FMN2: variants seen among roughly 807,000 people sequenced by gnomAD.
FMN2 encodes formin 2.
Under a neutral mutation model 142.3 loss-of-function variants are expected in FMN2, and 51 were observed. The ratio of observed to expected loss-of-function variants is 0.36; its 90% CI spans 0.29 to 0.45. The LOEUF is 0.45. Among genes scored for constraint, FMN2 ranks in the 20% least tolerant of loss-of-function variants. The pLI is 1.00. For synonymous variants in FMN2, 882 were observed against 869.8 expected, an observed-to-expected ratio of 1.01 and a Z score of -0.25; for missense variants, 1,936 against 2,122.8, an observed-to-expected ratio of 0.91 and a Z score of 1.73.
chr1:240,425,505 A>G (rs1674911081), intron 15 of FMN2, among the ~76,000 whole-genome samples: 1 of 152,094 alleles, frequency 6.6e-6, no homozygotes, highest in Non-Finnish European at 1.5e-5. Flanking sequence ...TTCTATACTC[A>G]GAATCATTTC....
At chr1:240,400,008 C>A (rs1159177453) in intron 15 of FMN2, among the ~76,000 whole-genome samples, 1 of 152,124 alleles carries the variant, frequency 6.6e-6, no homozygotes, top group African/African-American at 2.4e-5. Flanking sequence ...GAATTTCATA[C>A]CTAAGAGCTT....
chr1:240,306,618 A>G (rs1205421077), intron 8 of FMN2, among the ~76,000 whole-genome samples: 2 of 152,204 alleles, frequency 1.3e-5, no homozygotes, highest in Non-Finnish European at 2.9e-5. Flanking sequence ...CGTGGGGTAT[A>G]TGTACCACAT....
rs1327039635 is a variant in FMN2 at position 240,206,939 on chromosome 1, A to G, written c.2127A>G (p.Gln709=). Residue 709 remains glutamine, a synonymous_variant, in exon 5 of 18, where the codon CAA becomes CAG. Coordinates refer to ENST00000319653, the MANE Select transcript of FMN2 (RefSeq NM_020066.5). ...ACACAGAGGTGGCCAGTGGTCATCA[A>G]GGGCTTGAGAATGGAGTGACAGCCT... ...ALDTEVASGH[Q]GLENGVTASG... 10 of 1,614,064 alleles carry G rather than the reference A, an allele frequency of 6.2e-6. No individual in the cohort carries two copies. The highest frequency in any genetic ancestry group is 8.5e-6 in the Non-Finnish European group (10 of 1,180,038).
At chr1:240,112,754 T>G (rs1661863092) in intron 1 of FMN2, among the ~76,000 whole-genome samples, 1 of 152,132 alleles carries the variant, frequency 6.6e-6, no homozygotes, top group Admixed American at 6.5e-5. Flanking sequence ...TCTTCCTTTA[T>G]GGGGATTGCA....
chr1:240,349,378 C>T (rs570641555), intron 13 of FMN2, among the ~76,000 whole-genome samples: 1 of 152,232 alleles, frequency 6.6e-6, no homozygotes, highest in Non-Finnish European at 1.5e-5. Flanking sequence ...CTTGCTGAGG[C>T]TGGTTTGTAG....
At chr1:240,142,207 G>A (rs2103254087) in intron 2 of FMN2, among the ~76,000 whole-genome samples, 1 of 152,194 alleles carries the variant, frequency 6.6e-6, no homozygotes, top group South Asian at 2.1e-4. Flanking sequence ...GCTTCTCATG[G>A]TCCCAGTTAG....
At chr1:240,127,069 G>A (rs1176422232) in intron 2 of FMN2, among the ~76,000 whole-genome samples, 1 of 152,018 alleles carries the variant, frequency 6.6e-6, no homozygotes, top group Non-Finnish European at 1.5e-5. Context: ...AGGACAGCAA[G>A]GGCTCAGGCC....
At chr1:240,131,583 G>T (rs371355003) in intron 2 of FMN2, among the ~76,000 whole-genome samples, 1 of 152,020 alleles carries the variant, frequency 6.6e-6, no homozygotes, top group Non-Finnish European at 1.5e-5. Flanking sequence ...TTGACACATG[G>T]CTGTAATCCC....
At chr1:240,325,384 T>A (rs1372938671) in intron 8 of FMN2, among the ~76,000 whole-genome samples, 2 of 151,564 alleles carry the variant, frequency 1.3e-5, no homozygotes, top group African/African-American at 4.9e-5. Flanking sequence ...AAGGCTTCAT[T>A]TGGCCATATT....
chr1:240,207,246 C>G lies in FMN2; in HGVS notation c.2434C>G (p.Pro812Ala). The change falls in exon 5 of 18, where the codon CCA becomes GCA. Residue 812 changes from proline (P) to alanine (A), a missense_variant. Coordinates refer to ENST00000319653, the MANE Select transcript of FMN2 (RefSeq NM_020066.5). The stretch of plus-strand genomic sequence containing the variant: ...CACACAGAGCATCTCACAGCCTCCA[C>G]CACCTCCATCCCTTCTGTGGTCTGC... ...QPTQSISQPP[P>A]PPSLLWSAGQ... The G allele has an allele frequency of 6.2e-7, 1 of 1,614,032 alleles. No homozygotes were observed.
chr1:240,430,705 C>T (rs1675135327), intron 15 of FMN2, among the ~76,000 whole-genome samples: 1 of 145,380 alleles, frequency 6.9e-6, no homozygotes, highest in Non-Finnish European at 1.5e-5. Flanking sequence ...TGTTCTAGCA[C>T]CATTTGATTA....
rs386370173 is a variant in FMN2 at position 240,172,924 on chromosome 1, T to TTTTTTTTG, written c.1783-4991_1783-4990insTGTTTTTT. On this transcript the variant is annotated intron_variant, in intron 2 of 17. Transcript: ENST00000319653. ...AATTCAGTAGGCAGCCAGTGGCCCT[T>TTTTTTTTG]TTTTTTGTTTTTTGTTTTTTGTTTT... Among the ~76,000 whole-genome samples, 386 of 151,406 alleles carry TTTTTTTTG rather than the reference T, an allele frequency of 2.5e-3. 4 individuals carry two copies. The highest frequency in any genetic ancestry group is 8.7e-3 in the African/African-American group (358 of 41,186).
chr1:240,451,358 C>CAA (rs34283125), intron 16 of FMN2, among the ~76,000 whole-genome samples: 8,654 of 137,298 alleles, frequency 0.063, 892 homozygotes, highest in African/African-American at 0.22. Context: ...GACTCCATCT[C>CAA]AAAAAAAAAA....
At chr1:240,434,702 C>G (rs965516708) in intron 15 of FMN2, among the ~76,000 whole-genome samples, 2 of 150,638 alleles carry the variant, frequency 1.3e-5, no homozygotes, top group Non-Finnish European at 2.9e-5. Flanking sequence ...ACTGGGATTA[C>G]AGGCACCCAC....
chr1:240,289,782 T>C (rs1252796744), intron 7 of FMN2, among the ~76,000 whole-genome samples: 3 of 152,238 alleles, frequency 2.0e-5, no homozygotes, highest in Non-Finnish European at 4.4e-5. Flanking sequence ...AATAATGTTT[T>C]GTTGAAGTGC....
Position 240,237,397 on chromosome 1 carries a change from C to T in FMN2, c.4066-20548C>T, listed in dbSNP as rs535140971. On this transcript the variant is annotated intron_variant, in intron 6 of 17. Transcript: ENST00000319653. ...CCCCAGCTTGCCCCTTTGCACAGAC[C>T]ATGTGATTTTAAGTGTCAAGGTCTT... Among the ~76,000 whole-genome samples, 4 of 152,232 alleles carry T rather than the reference C, an allele frequency of 2.6e-5. No homozygotes were observed. The South Asian group carries it at 8.3e-4, about 32-fold the overall frequency.
intron 2 of FMN2, chr1:240,145,454 CTT>C (rs1288268293): frequency 7.2e-6 from 2 of 277,822 alleles, no homozygotes; most frequent in Non-Finnish European, 1.3e-5. Flanking sequence ...AGGGGAAAAA[CTT>C]TTTCTTTAGT....
intron 14 of FMN2, among the ~76,000 whole-genome samples, chr1:240,385,913 A>G (rs566576772): frequency 6.6e-5 from 10 of 152,356 alleles, no homozygotes; most frequent in Non-Finnish European, 2.9e-5. Context: ...CAAAGTTGAA[A>G]TAACCCTCAG....
intron 2 of FMN2, among the ~76,000 whole-genome samples, chr1:240,167,240 T>C (rs1010611905): frequency 6.6e-6 from 1 of 152,232 alleles, no homozygotes; most frequent in African/African-American, 2.4e-5. Context: ...GTAGTAATGT[T>C]AGTGCTTCTT....
Sources: allele counts gnomAD v4.1 joint callset (sites outside exome capture counted in the v4.1 genomes callset), GRCh38; gene constraint gnomAD v4.1.1; transcripts MANE v1.5; gene names NCBI Gene and HGNC (gene_info 2026-07-23, HGNC 2026-07-21).